Variants in USP24 observed in about 807,000 individuals in gnomAD.
USP24 encodes the protein ubiquitin carboxyl-terminal hydrolase 24.
A neutral mutation model predicts 361.6 loss-of-function variants in USP24; 97 were observed. The observed-to-expected ratio is 0.27, with a 90% CI of 0.23 to 0.32. USP24 has a LOEUF of 0.32. Among genes scored for constraint, USP24 ranks in the 10% least tolerant of loss-of-function variants. The pLI, the probability that USP24 is intolerant of heterozygous loss-of-function variation, is 1.00. For missense variants in USP24, 2,353 were observed against 3,165.6 expected (o/e 0.74, Z 6.16); for synonymous variants, 1,098 against 1,124.6 (o/e 0.98, Z 0.47).
intron 28 of USP24, among the ~76,000 whole-genome samples, chr1:55,135,374 A>T (rs1231626996): frequency 6.6e-6 from 1 of 152,156 alleles, no homozygotes; most frequent in Non-Finnish European, 1.5e-5. Context: ...ATTCTCCAAA[A>T]TCGGAAACTT....
In USP24 at chr1:55,214,847, G is replaced by A. The variant is rs938471460; in HGVS notation, c.267C>T (p.Thr89=). The A allele has an allele frequency of 3.3e-6, 4 of 1,223,504 alleles. No individual in the cohort carries two copies. In the African/African-American group the frequency reaches 4.8e-5, roughly 15 times the overall value. 75.8% of individuals were successfully genotyped at this position (1,223,504 alleles called of 1,614,324 possible). A position where few individuals can be genotyped will look rare whatever the true frequency, so the allele number is the denominator to read the frequency against. Residue 89 remains threonine (T), a synonymous_variant, in exon 1 of 68, where the codon ACC becomes ACT. Coordinates refer to ENST00000294383, the MANE Select transcript of USP24 (RefSeq NM_015306.3). ...GGGGPSRGGS[T]GGGGGFDPPP... is the part of the protein sequence containing the mutation. ...GGGGGTCGAAGCCGCCCCCGCCTCCGGTGCTCCCGCCGCGGGAGGGGCCGC... is the reference window on the plus strand; with the variant it reads ...GGGGGTCGAAGCCGCCCCCGCCTCCAGTGCTCCCGCCGCGGGAGGGGCCGC...
At chr1:55,201,141 A>C (rs1343572052) in intron 1 of USP24, among the ~76,000 whole-genome samples, 11 of 152,226 alleles carry the variant, frequency 7.2e-5, no homozygotes, top group African/African-American at 2.7e-4. Flanking sequence ...TTTAGGCAAA[A>C]GTAGATTTAA....
At chr1:55,182,022 C>T (rs1221138490) in intron 1 of USP24, among the ~76,000 whole-genome samples, 1 of 152,168 alleles carries the variant, frequency 6.6e-6, no homozygotes, top group Non-Finnish European at 1.5e-5. Context: ...GAAGAGAATC[C>T]TCACCAGAAA....
At chr1:55,100,548 A>C (rs566100236) in intron 44 of USP24, among the ~76,000 whole-genome samples, 207 of 152,312 alleles carry the variant, frequency 1.4e-3, no homozygotes, top group African/African-American at 4.5e-3. Flanking sequence ...AAATCGGCAC[A>C]GGGTCAGGGG....
At chr1:55,197,841 T>C (rs1644461166) in intron 1 of USP24, among the ~76,000 whole-genome samples, 2 of 152,182 alleles carry the variant, frequency 1.3e-5, no homozygotes, top group Non-Finnish European at 2.9e-5. Context: ...CCACATAACT[T>C]TGACTAATAC....
At chr1:55,071,759 G>C (rs1022769409) in intron 67 of USP24, 55 bp downstream of exon 67, 4 of 1,518,600 alleles carry the variant, frequency 2.6e-6, no homozygotes, top group Non-Finnish European at 3.6e-6. Flanking sequence ...ATTCTTTTTG[G>C]AAAGCTTAAG....
In USP24 at chr1:55,095,262, G is replaced by T; in HGVS notation, c.6196C>A (p.Leu2066Ile). Residue 2066 changes from leucine to isoleucine, a missense_variant, in exon 51 of 68, where the codon CTC (leucine) becomes ATC (isoleucine). Physicochemically the swap from Leu to Ile is conservative, Grantham distance 5. Transcript: ENST00000294383. ...VSVVRQEAED[L>I]SLSAPSSPEI... ...CATGGAAGAGACACTTACAGAGAGA[G>T]ATCCTCAGCTTCCTGCCGTACAACG... 1 of 1,613,598 alleles carries T rather than the reference G, an allele frequency of 6.2e-7. No homozygotes were observed. Among genetic ancestry groups the T allele is most frequent in the Non-Finnish European group, 8.5e-7 (1 of 1,179,766 alleles).
chr1:55,100,325 C>T (rs902213265), intron 44 of USP24, among the ~76,000 whole-genome samples: 3 of 152,044 alleles, frequency 2.0e-5, no homozygotes, highest in Non-Finnish European at 4.4e-5. Flanking sequence ...GGAGAAACCC[C>T]ATCTCTACTG....
At chr1:55,096,767 C>T (rs1645505160) in intron 49 of USP24, 145 bp from the exon 50 acceptor site, 2 of 1,403,640 alleles carry the variant, frequency 1.4e-6, no homozygotes, top group Non-Finnish European at 1.9e-6. Flanking sequence ...ACAATTATTT[C>T]AATTTCTAAA....
Position 55,092,137 on chromosome 1 carries a change from GA to G in USP24, c.6451-12del, listed in dbSNP as rs60842090. On this transcript the variant is annotated splice_polypyrimidine_tract_variant and intron_variant, in intron 53 of 67. Coordinates refer to ENST00000294383, the MANE Select transcript of USP24 (RefSeq NM_015306.3). ...ATGCTTTAATTTAGTCTAAGAGAGG[GA>G]AACATGAAAGAGGATATTTTTCACA... 12,131 of 1,587,286 alleles carry G rather than the reference GA, an allele frequency of 7.6e-3. 718 individuals are homozygous for G. The African/African-American group carries it at 0.14, about 19-fold the overall frequency.
intron 2 of USP24, 137 bp from the exon 3 acceptor site, chr1:55,176,580 A>G (rs1262480624): frequency 5.5e-6 from 4 of 726,086 alleles, no homozygotes; most frequent in East Asian, 2.8e-5. Context: ...AAATCCATAC[A>G]TATGGAACTA....
Position 55,137,606 on chromosome 1 carries a change from C to A in USP24, c.3110G>T (p.Ser1037Ile). Residue 1037 changes from serine (S) to isoleucine (I), a missense_variant, in exon 28 of 68, where the codon AGT (serine) becomes ATT (isoleucine). Physicochemically the swap from Ser to Ile is moderately radical, Grantham distance 142. This residue lies in a region of USP24 where 949 missense variants were observed against 1,280.5 expected (regional missense o/e 0.74). Transcript: ENST00000294383. ...EQILTVKTSG[S>I]GTPSGSSADS... ...TGCTGAACTCCCAGATGGGGTCCCACTGCCAGAAGTCTTCACTGTAAGGAT... is the reference window on the plus strand; with the variant it reads ...TGCTGAACTCCCAGATGGGGTCCCAATGCCAGAAGTCTTCACTGTAAGGAT... The A allele has an allele frequency of 6.2e-7, 1 of 1,613,394 alleles. No individual in the cohort carries two copies. Among genetic ancestry groups the A allele is most frequent in the Non-Finnish European group, 8.5e-7 (1 of 1,179,648 alleles).
intron 56 of USP24, among the ~76,000 whole-genome samples, chr1:55,085,543 T>A (rs548847212): frequency 6.6e-6 from 1 of 152,312 alleles, no homozygotes; most frequent in East Asian, 1.9e-4. Flanking sequence ...CAGCTGCAGG[T>A]TTAGATCAGG....
intron 37 of USP24, 127 bp downstream of exon 37, chr1:55,121,309 C>A: frequency 1.4e-6 from 1 of 730,608 alleles, no homozygotes. Flanking sequence ...GGTCTGCAGC[C>A]CCTTCGTACA....
chr1:55,144,300 C>CCTG, intron 20 of USP24, 97 bp from the exon 21 acceptor site: 1 of 699,728 alleles, frequency 1.4e-6, no homozygotes, highest in Non-Finnish European at 2.2e-6. Context: ...AACCATAAGA[C>CCTG]TCTTGGCATT....
chr1:55,071,142 T>C (rs1304914877), intron 67 of USP24: 2 of 985,126 alleles, frequency 2.0e-6, no homozygotes, highest in East Asian at 2.3e-4. Flanking sequence ...TGACACCTAC[T>C]ACATCAGTAA....
chr1:55,107,505 T>C, intron 39 of USP24, 75 bp from the exon 40 acceptor site: 1 of 1,424,022 alleles, frequency 7.0e-7, no homozygotes, highest in Non-Finnish European at 9.2e-7. Flanking sequence ...TGAATTAAAG[T>C]AAGCAAAGTC....
rs550692249 is a variant in USP24 at position 55,176,350 on chromosome 1, A to G, written c.558+26T>C. The G allele has an allele frequency of 1.6e-5, 25 of 1,551,456 alleles. No homozygotes were observed. The South Asian group carries it at 1.7e-4, about 10-fold the overall frequency. On this transcript the variant is annotated intron_variant, in intron 3 of 67. Transcript: ENST00000294383. The stretch of plus-strand genomic sequence containing the variant: ...CTGCCCCCACCCCGACACACACAAA[A>G]TATCACAGCAGCACATTTTTCTTAC...
intron 38 of USP24, among the ~76,000 whole-genome samples, chr1:55,112,580 G>A (rs951489003): frequency 5.9e-5 from 9 of 152,154 alleles, no homozygotes; most frequent in East Asian, 1.9e-4. Context: ...GTAGTTGTGC[G>A]ATTTTGAGTG....
Sources: gnomAD v4.1 joint callset for allele counts (sites outside exome capture counted in the v4.1 genomes callset) on GRCh38, gnomAD v4.1.1 for gene constraint, gnomAD v4.1.1 regional missense constraint, MANE v1.5 for transcripts, NCBI Gene and HGNC (gene_info 2026-07-23, HGNC 2026-07-21) for gene names.